TIRAP: variants seen among roughly 807,000 people sequenced by gnomAD.
TIRAP encodes the protein TIR domain containing adaptor protein.
In TIRAP, 20 loss-of-function variants were observed where a neutral mutation model predicts 19.8. The observed-to-expected ratio is 1.01, with a 90% CI of 0.71 to 1.47. The LOEUF (loss-of-function observed/expected upper bound fraction) is 1.47, where lower values mean the gene tolerates loss of function less well. Ranked by LOEUF, TIRAP falls within the 40% of genes most tolerant of loss-of-function variation. TIRAP has a pLI of 0.00. For missense variants in TIRAP, 276 were observed against 285.1 expected (o/e 0.97, Z 0.23); for synonymous variants, 125 against 121.7 (o/e 1.03, Z -0.18).
chr11:126,293,751 G>T lies in TIRAP; in HGVS notation c.*64G>T. 6.4e-7 allele frequency: 1 copy of T among 1,573,080 alleles called. No homozygotes were observed. Among genetic ancestry groups the T allele is most frequent in the Non-Finnish European group, 8.8e-7 (1 of 1,142,654 alleles). On this transcript the variant is annotated 3_prime_UTR_variant, in exon 5 of 5. Coordinates refer to ENST00000392679, the MANE Select transcript of TIRAP (RefSeq NM_001318777.2). ...GCTAGAAACAGAAAACCCATGCAGG[G>T]CCTCGGATTCCCACAAATGTGACAA...
At chr11:126,285,243 G>GTGTGTGTGTATATATATATATATATA in intron 1 of TIRAP, among the ~76,000 whole-genome samples, 80 of 106,950 alleles carry the variant, frequency 7.5e-4, no homozygotes, top group Middle Eastern at 4.6e-3. Flanking sequence ...GTGTGTGTGT[G>GTGTGTGTGTATATATATATATATATA]TATATATATA....
intron 1 of TIRAP, among the ~76,000 whole-genome samples, chr11:126,289,057 C>T (rs1052815575): frequency 7.9e-5 from 12 of 152,298 alleles, no homozygotes; most frequent in Middle Eastern, 3.4e-3. Flanking sequence ...TCATAGTCAA[C>T]GTCCAGTGCC....
At position 126,294,603 on chromosome 11, in the gene TIRAP, C is replaced by T. The variant is rs1951450673; in HGVS notation, c.*916C>T. The stretch of plus-strand genomic sequence containing the variant: ...TTTCTTCTGGCAGATGACTGTATTC[C>T]TTATAGGACAGGCAAGGTTTCATTC... On this transcript the variant is annotated 3_prime_UTR_variant, in exon 5 of 5. Transcript: ENST00000392679. 2.2e-6 allele frequency: 1 copy of T among 455,120 alleles called. No homozygotes were observed. The highest frequency in any genetic ancestry group is 4.4e-6 in the Non-Finnish European group (1 of 226,684). 28.2% of individuals were successfully genotyped at this position (455,120 alleles called of 1,614,324 possible).
In TIRAP at chr11:126,287,618, C is replaced by T. The variant is rs1039497065; in HGVS notation, c.-216-2844C>T. Among the ~76,000 whole-genome samples, 3 of 151,244 alleles carry T rather than the reference C, an allele frequency of 2.0e-5. 1 individual carries two copies. The highest frequency in any genetic ancestry group is 4.2e-4 in the South Asian group (2 of 4,778). ...ACAGGCATGAGCCACTGTGCCCAGC[C>T]CACTTTGGATTTTATACAGCAAAAC... On this transcript the variant is annotated intron_variant, in intron 1 of 4. Coordinates refer to ENST00000392679, the MANE Select transcript of TIRAP (RefSeq NM_001318777.2). This position sits in a 1 kb window ranked among gnomAD's most constrained non-coding sequence, Gnocchi z 4.2.
chr11:126,289,259 G>A (rs1313975108), intron 1 of TIRAP, among the ~76,000 whole-genome samples: 2 of 152,188 alleles, frequency 1.3e-5, no homozygotes, highest in Non-Finnish European at 2.9e-5. Flanking sequence ...AAGCATTAAT[G>A]TGCAGCATAG....
Position 126,291,199 on chromosome 11 carries a change from C to A in TIRAP, c.67+238C>A. 1.6e-6 allele frequency: 1 copy of A among 618,182 alleles called. No individual in the cohort carries two copies. Among genetic ancestry groups the A allele is most frequent in the Non-Finnish European group, 2.8e-6 (1 of 362,740 alleles). 38.3% of individuals were successfully genotyped at this position (618,182 alleles called of 1,614,324 possible). A position where few individuals can be genotyped will look rare whatever the true frequency, so the allele number is the denominator to read the frequency against. ...TCAAAGGTTTTCCAGGCCTGCTCAG[C>A]TAGCTTTCCTAGCCTGGAAACCACT... On this transcript the variant is annotated intron_variant, in intron 3 of 4. Transcript: ENST00000392679. This position sits in a 1 kb window ranked among gnomAD's most constrained non-coding sequence, Gnocchi z 5.6.
chr11:126,290,901 T>C lies in TIRAP; in HGVS notation c.7T>C (p.Ser3Pro). ...TAGTTTTGACCCCCACGCTATGGCA[T>C]CATCGACCTCCCTCCCAGCTCCTGG... MA[S>P]STSLPAPGSR... The change falls in exon 3 of 5, where the codon TCA (serine) becomes CCA (proline). Residue 3 changes from serine (S) to proline (P), a missense_variant. Physicochemically the swap from Ser to Pro is moderately conservative, Grantham distance 74. Transcript: ENST00000392679. This position sits in a 1 kb window ranked among gnomAD's most constrained non-coding sequence, Gnocchi z 4.9. 1.2e-6 allele frequency: 2 copies of C among 1,605,632 alleles called. No individual in the cohort carries two copies. Among genetic ancestry groups the C allele is most frequent in the African/African-American group, 1.3e-5 (1 of 74,946 alleles).
chr11:126,283,256 CGAGA>C, intron 1 of TIRAP, 103 bp downstream of exon 1: 1 of 651,192 alleles, frequency 1.5e-6, no homozygotes. Flanking sequence ...CCGGCCCCAC[CGAGA>C]GCCGCAGGGG....
chr11:126,283,415 G>A (rs1396687297), intron 1 of TIRAP, among the ~76,000 whole-genome samples: 2 of 152,262 alleles, frequency 1.3e-5, no homozygotes, highest in Non-Finnish European at 2.9e-5. Flanking sequence ...AAGCTCGCGC[G>A]GGGCGGCTCC....
intron 3 of TIRAP, 37 bp from the exon 4 acceptor site, chr11:126,292,440 G>A (rs753059647): frequency 5.8e-5 from 93 of 1,605,992 alleles, no homozygotes; most frequent in Non-Finnish European, 7.6e-5. Context: ...AGGGCACCTG[G>A]TAACACACAG....
Position 126,287,496 on chromosome 11 carries a change from T to C in TIRAP, c.-216-2966T>C, listed in dbSNP as rs1212630260. 6.6e-6 allele frequency among the ~76,000 whole-genome samples: 1 copy of C among 152,054 alleles called. No homozygotes were observed. Among genetic ancestry groups the C allele is most frequent in the African/African-American group, 2.4e-5 (1 of 41,384 alleles). ...CCACCACGCTTAGCTAATTTTTGTA[T>C]TTTTAGTAGAGACAGGGTTTCACCA... On this transcript the variant is annotated intron_variant, in intron 1 of 4. Transcript: ENST00000392679. The surrounding 1 kb of genome is among the most constrained non-coding windows in gnomAD (Gnocchi z 4.2).
chr11:126,284,112 C>T (rs1951288532), intron 1 of TIRAP, among the ~76,000 whole-genome samples: 1 of 146,740 alleles, frequency 6.8e-6, no homozygotes, highest in Non-Finnish European at 1.5e-5. Context: ...TCTCGGTTCA[C>T]TGCAGCCTCC....
intron 4 of TIRAP, 27 bp from the exon 5 acceptor site, chr11:126,293,641 G>A: frequency 6.2e-7 from 1 of 1,613,416 alleles, no homozygotes; most frequent in Non-Finnish European, 8.5e-7. Flanking sequence ...TGGGAGGTGT[G>A]ACAACGCTGT....
chr11:126,289,052 G>A (rs1951353209), intron 1 of TIRAP, among the ~76,000 whole-genome samples: 1 of 152,198 alleles, frequency 6.6e-6, no homozygotes, highest in Admixed American at 6.5e-5. Flanking sequence ...CATACTCATA[G>A]TCAACGTCCA....
In TIRAP at chr11:126,290,916, C is replaced by T; in HGVS notation, c.22C>T (p.Pro8Ser). 1 of 1,607,544 alleles carries T rather than the reference C, an allele frequency of 6.2e-7. No homozygotes were observed. Among genetic ancestry groups the T allele is most frequent in the Non-Finnish European group, 8.5e-7 (1 of 1,176,600 alleles). The change falls in exon 3 of 5, where the codon CCA (proline) becomes TCA (serine). Residue 8 changes from proline (P) to serine (S), a missense_variant. Transcript: ENST00000392679. The surrounding 1 kb of genome is among the most constrained non-coding windows in gnomAD (Gnocchi z 4.9). The stretch of plus-strand genomic sequence containing the variant: ...CGCTATGGCATCATCGACCTCCCTC[C>T]CAGCTCCTGGCTCTCGGCCTAAGAA... MASSTSL[P>S]APGSRPKKPL...
At chr11:126,284,277 G>A (rs1591370935) in intron 1 of TIRAP, among the ~76,000 whole-genome samples, 2 of 152,002 alleles carry the variant, frequency 1.3e-5, no homozygotes, top group South Asian at 4.2e-4. Flanking sequence ...CAGGTGATCC[G>A]CCTGCCTCAG....
At chr11:126,289,337 G>A (rs1951355969) in intron 1 of TIRAP, among the ~76,000 whole-genome samples, 1 of 152,162 alleles carries the variant, frequency 6.6e-6, no homozygotes, top group Admixed American at 6.5e-5. Context: ...GGAGTGCAGT[G>A]GTATAATCTC....
rs1686822466 is a variant in TIRAP, at chr11:126,290,941, AG to A, written c.48del (p.Lys16AsnfsTer3). On this transcript the variant is annotated frameshift_variant, in exon 3 of 5. Transcript: ENST00000392679. LOFTEE classifies it high-confidence loss of function. The surrounding 1 kb of genome is among the most constrained non-coding windows in gnomAD (Gnocchi z 4.9). ...SLPAPGSRPK[K>X]PLGKMADWFR... ...CCAGCTCCTGGCTCTCGGCCTAAGA[AG>A]CCTCTAGGCAAGATGGCTGGTGAGT... The A allele has an allele frequency of 6.2e-7, 1 of 1,606,470 alleles. No homozygotes were observed. The highest frequency in any genetic ancestry group is 2.2e-5 in the East Asian group (1 of 44,776).
intron 1 of TIRAP, among the ~76,000 whole-genome samples, chr11:126,286,971 C>T (rs777724430): frequency 1.6e-4 from 24 of 152,196 alleles, no homozygotes; most frequent in Non-Finnish European, 2.6e-4. Context: ...ACAGCTCTTT[C>T]GTCTGCCTCA....
Sources: allele counts gnomAD v4.1 joint callset (sites outside exome capture counted in the v4.1 genomes callset), GRCh38; gene constraint gnomAD v4.1.1; non-coding constraint Gnocchi (gnomAD v3.1); transcripts MANE v1.5; gene names NCBI Gene and HGNC (gene_info 2026-07-23, HGNC 2026-07-21).